Variants in RBFOX1 observed in about 807,000 individuals in gnomAD.
The protein encoded by RBFOX1 is RNA binding protein fox-1 homolog 1.
RBFOX1 carries 8 observed loss-of-function variants against 57.7 expected under a neutral mutation model. The observed-to-expected ratio is 0.14, with a 90% CI of 0.08 to 0.25. The LOEUF is 0.25. RBFOX1 is among the 10% of genes least tolerant of loss of function. RBFOX1 has a pLI of 1.00. For missense variants in RBFOX1, 611 were observed against 548.5 expected (o/e 1.11, Z -1.14); for synonymous variants, 326 against 222.4 (o/e 1.47, Z -4.15).
At chr16:7,355,114 G>T (rs991331891) in intron 4 of RBFOX1, among the ~76,000 whole-genome samples, 1 of 152,170 alleles carries the variant, frequency 6.6e-6, no homozygotes, top group Non-Finnish European at 1.5e-5. Context: ...TATCACCCAA[G>T]CTTTGAATGT....
chr16:7,341,613 C>T (rs560603625), intron 4 of RBFOX1, among the ~76,000 whole-genome samples: 1 of 152,276 alleles, frequency 6.6e-6, no homozygotes, highest in Admixed American at 6.5e-5. Flanking sequence ...GGTTTATGCA[C>T]AGTCCAAAGA....
chr16:6,780,317 T>TACATATTCATATA (rs1567215854), intron 3 of RBFOX1, among the ~76,000 whole-genome samples: 1 of 77,138 alleles, frequency 1.3e-5, no homozygotes, highest in African/African-American at 6.4e-5. Context: ...ATATATTTAT[T>TACATATTCATATA]CATATTTATA....
intron 3 of RBFOX1, among the ~76,000 whole-genome samples, chr16:6,928,606 C>T (rs1241620968): frequency 6.6e-6 from 1 of 152,104 alleles, no homozygotes; most frequent in Non-Finnish European, 1.5e-5. Flanking sequence ...CTTACAGTTA[C>T]CCTGTAGCTC....
intron 1 of RBFOX1, among the ~76,000 whole-genome samples, chr16:6,025,890 A>G (rs1312388062): frequency 2.0e-5 from 3 of 152,150 alleles, no homozygotes; most frequent in Admixed American, 2.0e-4. Flanking sequence ...ATTATTGCCT[A>G]TTATATGTGA....
chr16:5,816,393 G>A (rs935076476), intron 3 of RBFOX1, among the ~76,000 whole-genome samples: 4 of 152,092 alleles, frequency 2.6e-5, no homozygotes, highest in Admixed American at 6.6e-5. Flanking sequence ...TGACAAAACC[G>A]TCTTCTCTCC....
At chr16:6,579,784 C>G (rs1166859530) in intron 2 of RBFOX1, among the ~76,000 whole-genome samples, 2 of 152,048 alleles carry the variant, frequency 1.3e-5, no homozygotes, top group East Asian at 1.9e-4. Context: ...CACGGTCTCA[C>G]TATGTTGCCC....
chr16:7,358,285 C>G (rs536158698), intron 4 of RBFOX1, among the ~76,000 whole-genome samples: 1 of 152,042 alleles, frequency 6.6e-6, no homozygotes, highest in Admixed American at 6.5e-5. Flanking sequence ...GCCGTGCCAC[C>G]GAAAGGGACA....
chr16:6,697,996 G>C (rs1351842239), intron 3 of RBFOX1, among the ~76,000 whole-genome samples: 2 of 152,160 alleles, frequency 1.3e-5, no homozygotes, highest in Non-Finnish European at 2.9e-5. Flanking sequence ...TGTCTTAACT[G>C]ATCAAACTTA....
intron 4 of RBFOX1, among the ~76,000 whole-genome samples, chr16:7,221,674 A>T (rs1242150183): frequency 6.6e-6 from 1 of 152,166 alleles, no homozygotes. Flanking sequence ...CCGTTGACTT[A>T]TTTATTTGTA....
At chr16:6,158,014 C>T (rs1359588507) in intron 1 of RBFOX1, among the ~76,000 whole-genome samples, 1 of 152,148 alleles carries the variant, frequency 6.6e-6, no homozygotes, top group Non-Finnish European at 1.5e-5. Context: ...CATGTGACCA[C>T]ATTTGAAGAT....
intron 2 of RBFOX1, among the ~76,000 whole-genome samples, chr16:6,571,234 G>A (rs537289355): frequency 2.7e-4 from 41 of 152,318 alleles, no homozygotes; most frequent in African/African-American, 9.1e-4. Context: ...GGCTCTTGCC[G>A]TTGATAATGT....
At chr16:6,965,062 G>A (rs935915294) in intron 3 of RBFOX1, among the ~76,000 whole-genome samples, 1 of 152,076 alleles carries the variant, frequency 6.6e-6, no homozygotes, top group African/African-American at 2.4e-5. Context: ...CCTGGAGTCT[G>A]GGGGTGGCAG....
intron 1 of RBFOX1, among the ~76,000 whole-genome samples, chr16:6,195,161 C>T (rs61079080): frequency 0.024 from 3,681 of 152,198 alleles, 96 homozygotes; most frequent in African/African-American, 0.078. Context: ...ATTAATCATA[C>T]GACATATTTT....
At chr16:7,429,594 G>A (rs1160546941) in intron 4 of RBFOX1, among the ~76,000 whole-genome samples, 1 of 152,204 alleles carries the variant, frequency 6.6e-6, no homozygotes, top group African/African-American at 2.4e-5. Flanking sequence ...GAATCTAGAG[G>A]AGGTGAGCAG....
chr16:6,769,474 G>A lies in RBFOX1; in HGVS notation c.-16+114824G>A, dbSNP rs1244722524. 2.6e-5 allele frequency among the ~76,000 whole-genome samples: 4 copies of A among 152,324 alleles called. No individual in the cohort carries two copies. In the East Asian group the frequency reaches 7.7e-4, roughly 29 times the overall value. Reference sequence around the variant, plus strand: ...CACTGCAACATTCTTTTTAGCAACAGTGCAGCATTCTGTAGTTTGTATGTA... The same window carrying A: ...CACTGCAACATTCTTTTTAGCAACAATGCAGCATTCTGTAGTTTGTATGTA... On this transcript the variant is annotated intron_variant, in intron 3 of 15. Transcript: ENST00000550418.
At chr16:6,290,472 T>C (rs1181501545) in intron 1 of RBFOX1, among the ~76,000 whole-genome samples, 1 of 152,048 alleles carries the variant, frequency 6.6e-6, no homozygotes, top group East Asian at 1.9e-4. Flanking sequence ...TACCTGAAAG[T>C]GAGCATCAGT....
At chr16:6,475,814 T>C (rs1384224908) in intron 2 of RBFOX1, among the ~76,000 whole-genome samples, 1 of 152,184 alleles carries the variant, frequency 6.6e-6, no homozygotes, top group Non-Finnish European at 1.5e-5. Flanking sequence ...TATTACTGTA[T>C]TGTGAGGAAT....
intron 15 of RBFOX1, chr16:7,710,309 A>G: frequency 8.5e-7 from 1 of 1,174,978 alleles, no homozygotes; most frequent in Non-Finnish European, 1.1e-6. Context: ...ATTCAACCTC[A>G]AGTGCAGATT....
intron 1 of RBFOX1, among the ~76,000 whole-genome samples, chr16:5,424,880 TTTCTTTCTTTC>T (rs2067475932): frequency 4.1e-4 from 5 of 12,336 alleles, no homozygotes; most frequent in Non-Finnish European, 3.9e-4. Context: ...CTTTTTTTTC[TTTCTTTCTTTC>T]TTTCTTTCTT....
Sources: gnomAD v4.1 joint callset for allele counts (sites outside exome capture counted in the v4.1 genomes callset) on GRCh38, gnomAD v4.1.1 for gene constraint, MANE v1.5 for transcripts, NCBI Gene and HGNC (gene_info 2026-07-23, HGNC 2026-07-21) for gene names.